The following TANC2 variants were observed in gnomAD, a reference collection of about 807,000 sequenced individuals.
The protein encoded by TANC2 is tetratricopeptide repeat, ankyrin repeat and coiled-coil containing 2, also known as protein TANC2.
TANC2 carries 26 observed loss-of-function variants against 210.5 expected under a neutral mutation model. That is an observed-to-expected ratio of 0.12 (90% CI 0.09 to 0.17). The LOEUF (loss-of-function observed/expected upper bound fraction) is 0.17. TANC2 is among the 10% of genes least tolerant of loss of function. The probability of loss-of-function intolerance (pLI) is 1.00; values close to 1 mark genes in which losing one functional copy is unlikely to be tolerated. For missense variants in TANC2, 2,129 were observed against 2,608.9 expected (o/e 0.82, Z 4.01); for synonymous variants, 931 against 967.1 (o/e 0.96, Z 0.69).
chr17:63,193,797 G>T, intron 5 of TANC2, 194 bp from the exon 6 acceptor site: 1 of 520,924 alleles, frequency 1.9e-6, no homozygotes, highest in Non-Finnish European at 3.0e-6. Context: ...ATTTTTATTT[G>T]ATTCGTGTAA....
intron 14 of TANC2, among the ~76,000 whole-genome samples, chr17:63,374,458 T>C (rs537944662): frequency 3.3e-5 from 5 of 152,218 alleles, no homozygotes; most frequent in African/African-American, 9.6e-5. Context: ...TTCCCACGTG[T>C]GGAGTAGAGC....
intron 5 of TANC2, among the ~76,000 whole-genome samples, chr17:63,177,276 A>AC (rs944506250): frequency 1.7e-4 from 26 of 151,736 alleles, no homozygotes; most frequent in African/African-American, 6.0e-4. Context: ...AAAAAAAAAA[A>AC]AAAAAAACAC....
chr17:62,968,969 A>G (rs1003479220), intron 1 of TANC2, among the ~76,000 whole-genome samples: 2 of 152,186 alleles, frequency 1.3e-5, no homozygotes, highest in African/African-American at 4.8e-5. Context: ...ACCCCCACAT[A>G]TGCCAAAATC....
intron 5 of TANC2, among the ~76,000 whole-genome samples, chr17:63,175,672 A>T (rs545310781): frequency 6.6e-6 from 1 of 152,230 alleles, no homozygotes; most frequent in South Asian, 2.1e-4. Flanking sequence ...GCAAAATTGG[A>T]CTTTACCTAA....
intron 9 of TANC2, among the ~76,000 whole-genome samples, chr17:63,309,664 A>C (rs941724428): frequency 2.6e-5 from 4 of 152,204 alleles, no homozygotes; most frequent in African/African-American, 9.6e-5. Flanking sequence ...ATTAACTGTC[A>C]GAACTGAATG....
At chr17:63,312,598 G>T (rs1196899593) in intron 9 of TANC2, among the ~76,000 whole-genome samples, 4 of 151,960 alleles carry the variant, frequency 2.6e-5, no homozygotes, top group Admixed American at 6.6e-5. Context: ...ATGGGGCAAG[G>T]GTCAAAAAAC....
chr17:63,014,456 T>C (rs2034016004), intron 2 of TANC2, among the ~76,000 whole-genome samples: 1 of 152,196 alleles, frequency 6.6e-6, no homozygotes, highest in Admixed American at 6.5e-5. Flanking sequence ...TGTTGAAGCC[T>C]GGACATTTTA....
intron 14 of TANC2, among the ~76,000 whole-genome samples, chr17:63,362,360 G>T (rs1257379399): frequency 6.6e-6 from 1 of 152,192 alleles, no homozygotes; most frequent in African/African-American, 2.4e-5. Flanking sequence ...CAGGGCCATG[G>T]ACTCCACCCA....
intron 5 of TANC2, among the ~76,000 whole-genome samples, chr17:63,160,368 C>T (rs2039985604): frequency 6.6e-6 from 1 of 152,100 alleles, no homozygotes; most frequent in Non-Finnish European, 1.5e-5. Flanking sequence ...AGTGAGACCC[C>T]ATCGCTACAC....
Position 63,420,209 on chromosome 17 carries a change from T to C in TANC2, c.4479T>C (p.Asp1493=). 2 of 1,606,716 alleles carry C rather than the reference T, an allele frequency of 1.2e-6. No homozygotes were observed. The highest frequency in any genetic ancestry group is 3.4e-5 in the Admixed American group (2 of 58,708). Residue 1493 remains aspartate, a synonymous_variant, in exon 28 of 28, where the codon GAT becomes GAC. Transcript: ENST00000689528. This position sits in a 1 kb window ranked among gnomAD's most constrained non-coding sequence, Gnocchi z 4.2. ...ATGAAGACATATACTCTGTACAGGA[T>C]ATATTCGAGGAGGAGTACCTGGAAC...
intron 4 of TANC2, among the ~76,000 whole-genome samples, chr17:63,132,258 C>A (rs1441055105): frequency 1.3e-5 from 2 of 150,780 alleles, no homozygotes; most frequent in East Asian, 3.9e-4. Context: ...TTTTTCGAAT[C>A]TTAAACAAAA....
intron 4 of TANC2, among the ~76,000 whole-genome samples, chr17:63,114,136 C>T (rs1017508824): frequency 1.3e-5 from 2 of 152,144 alleles, no homozygotes; most frequent in African/African-American, 2.4e-5. Context: ...AAAGAACCAC[C>T]TGCCAACTCA....
chr17:63,168,421 CT>C (rs2040290044), intron 5 of TANC2, among the ~76,000 whole-genome samples: 1 of 152,106 alleles, frequency 6.6e-6, no homozygotes, highest in African/African-American at 2.4e-5. Flanking sequence ...TTCTACCTAC[CT>C]GCAAGGGACC....
chr17:63,079,079 T>G (rs534812966), intron 3 of TANC2, among the ~76,000 whole-genome samples: 1 of 152,194 alleles, frequency 6.6e-6, no homozygotes, highest in Non-Finnish European at 1.5e-5. Context: ...TTCCTCTTCC[T>G]CAGAGATTTA....
intron 9 of TANC2, among the ~76,000 whole-genome samples, chr17:63,285,256 G>C (rs1427757647): frequency 6.7e-6 from 1 of 149,820 alleles, no homozygotes; most frequent in East Asian, 1.9e-4. Context: ...TTATCTTCTT[G>C]CTATTTGTTT....
intron 14 of TANC2, among the ~76,000 whole-genome samples, chr17:63,377,949 T>C (rs1567967165): frequency 6.6e-6 from 1 of 152,136 alleles, no homozygotes; most frequent in African/African-American, 2.4e-5. Context: ...ATCAGATCTC[T>C]TGAGAACTCA....
chr17:63,099,104 A>T, intron 3 of TANC2, 71 bp from the exon 4 acceptor site: 1 of 1,411,902 alleles, frequency 7.1e-7, no homozygotes, highest in Non-Finnish European at 9.8e-7. Context: ...GGATTATCCT[A>T]TAAGATGTAT....
intron 26 of TANC2, among the ~76,000 whole-genome samples, chr17:63,417,980 A>G (rs2147396637): frequency 6.6e-6 from 1 of 152,374 alleles, no homozygotes; most frequent in Non-Finnish European, 1.5e-5. Context: ...ACATGCATGG[A>G]TAACTTCAGG....
intron 2 of TANC2, among the ~76,000 whole-genome samples, chr17:63,020,229 A>G (rs1279932117): frequency 6.6e-6 from 1 of 152,140 alleles, no homozygotes; most frequent in Non-Finnish European, 1.5e-5. Flanking sequence ...TATAGTTTGT[A>G]TTTTTAATCC....
Sources: allele counts gnomAD v4.1 joint callset (sites outside exome capture counted in the v4.1 genomes callset), GRCh38; gene constraint gnomAD v4.1.1; non-coding constraint Gnocchi (gnomAD v3.1); transcripts MANE v1.5; gene names NCBI Gene and HGNC (gene_info 2026-07-23, HGNC 2026-07-21).